CACNG7: variants seen among roughly 807,000 people sequenced by gnomAD.
CACNG7 encodes calcium voltage-gated channel auxiliary subunit gamma 7.
CACNG7 carries 9 observed loss-of-function variants against 26.3 expected under a neutral mutation model. The ratio of observed to expected loss-of-function variants is 0.34; its 90% CI spans 0.21 to 0.60. The LOEUF is 0.60. Among genes scored for constraint, CACNG7 ranks in the 20% least tolerant of loss-of-function variants. The pLI, the probability that CACNG7 is intolerant of heterozygous loss-of-function variation, is 0.81. For missense variants in CACNG7, 297 were observed against 380.4 expected (o/e 0.78, Z 1.82); for synonymous variants, 170 against 157.0 (o/e 1.08, Z -0.62).
chr19:53,923,077 G>A (rs1273620417), intron 4 of CACNG7, among the ~76,000 whole-genome samples: 2 of 127,028 alleles, frequency 1.6e-5, no homozygotes, highest in Non-Finnish European at 3.2e-5. Flanking sequence ...CCCAGGCCTG[G>A]TCATTGGTGG....
At position 53,909,836 on chromosome 19, in the gene CACNG7, C is replaced by T. The variant is rs546974259; in HGVS notation, c.-30+319C>T. Among the ~76,000 whole-genome samples the T allele has an allele frequency of 6.6e-6, 1 of 152,042 alleles. No homozygotes were observed. The highest frequency in any genetic ancestry group is 1.5e-5 in the Non-Finnish European group (1 of 68,006). On this transcript the variant is annotated intron_variant, in intron 1 of 5. Transcript: ENST00000391767. This position sits in a 1 kb window ranked among gnomAD's most constrained non-coding sequence, Gnocchi z 5.1. ...CGAGGGCGGAGGACCCAGGCCCGGC[C>T]AGAGCAGGATGTGGGTCTGGAAAGG...
chr19:53,911,232 ATTTTTG>A (rs1221205153), intron 1 of CACNG7, among the ~76,000 whole-genome samples: 2 of 151,844 alleles, frequency 1.3e-5, no homozygotes, highest in East Asian at 3.9e-4. Context: ...TGCCCGGCTA[ATTTTTG>A]TATTTTTAGC....
Position 53,909,759 on chromosome 19 carries a change from C to T in CACNG7, c.-30+242C>T, listed in dbSNP as rs1196281145. ...CTCCTCGCGTCCGAGTCGCAGCGAG[C>T]GTGGGCTGGGGAGGGCAGAGGCCGG... On this transcript the variant is annotated intron_variant, in intron 1 of 5. Coordinates refer to ENST00000391767, the MANE Select transcript of CACNG7 (RefSeq NM_031896.5). The surrounding 1 kb of genome is among the most constrained non-coding windows in gnomAD (Gnocchi z 5.1). Among the ~76,000 whole-genome samples, 1 of 151,712 alleles carries T rather than the reference C, an allele frequency of 6.6e-6. No homozygotes were observed. Among genetic ancestry groups the T allele is most frequent in the Non-Finnish European group, 1.5e-5 (1 of 67,906 alleles).
chr19:53,910,110 G>A (rs1033898932), intron 1 of CACNG7, among the ~76,000 whole-genome samples: 1 of 152,130 alleles, frequency 6.6e-6, no homozygotes, highest in African/African-American at 2.4e-5. Flanking sequence ...GTTTTAAAAC[G>A]GGGTGCGAGA....
chr19:53,937,814 C>A (rs561110464), intron 4 of CACNG7, among the ~76,000 whole-genome samples: 1 of 152,234 alleles, frequency 6.6e-6, no homozygotes, highest in South Asian at 2.1e-4. Flanking sequence ...TGGTCTGAAA[C>A]CCCTGGTCTC....
intron 3 of CACNG7, 98 bp from the exon 4 acceptor site, chr19:53,915,267 C>G (rs2068888333): frequency 2.2e-6 from 2 of 899,132 alleles, no homozygotes; most frequent in Non-Finnish European, 1.8e-6. Flanking sequence ...AGGAGCCAAA[C>G]AAAAACGCAG....
rs921545333 is a variant in CACNG7 at position 53,939,385 on chromosome 19, A to G, written c.425-2085A>G. Among the ~76,000 whole-genome samples the G allele has an allele frequency of 6.6e-6, 1 of 152,164 alleles. No individual in the cohort carries two copies. Among genetic ancestry groups the G allele is most frequent in the African/African-American group, 2.4e-5 (1 of 41,432 alleles). On this transcript the variant is annotated intron_variant, in intron 4 of 5. Transcript: ENST00000391767. This position sits in a 1 kb window ranked among gnomAD's most constrained non-coding sequence, Gnocchi z 4.2. ...CATCTCCATTAGCTAATTTCACAAC[A>G]TTTTCATTATTCTCAAAAGAAACCT... is the stretch of plus-strand genomic sequence containing the variant.
chr19:53,937,407 C>T (rs911510588), intron 4 of CACNG7, among the ~76,000 whole-genome samples: 8 of 152,206 alleles, frequency 5.3e-5, no homozygotes, highest in African/African-American at 1.9e-4. Context: ...AACGTCCATT[C>T]TCTCAGCCTC....
chr19:53,942,924 C>G lies in CACNG7; in HGVS notation c.*631C>G, dbSNP rs2069148810. On this transcript the variant is annotated 3_prime_UTR_variant, in exon 6 of 6. Transcript: ENST00000391767. The surrounding 1 kb of genome is among the most constrained non-coding windows in gnomAD (Gnocchi z 5.9). ...TTCCCTCCCCATCTCCCCTACTTCCCTGGAAGGTCCCATTCTTTCTCACCG... is the reference window on the plus strand; with the variant it reads ...TTCCCTCCCCATCTCCCCTACTTCCGTGGAAGGTCCCATTCTTTCTCACCG... 6.6e-6 allele frequency: 1 copy of G among 152,652 alleles called. No individual in the cohort carries two copies. The highest frequency in any genetic ancestry group is 2.4e-5 in the African/African-American group (1 of 41,468). The allele number at this position is 152,652 out of a possible 1,614,324, so 9.5% of individuals were successfully genotyped here. A position where few individuals can be genotyped will look rare whatever the true frequency, so the allele number is the denominator to read the frequency against.
chr19:53,941,449 GC>G lies in CACNG7; in HGVS notation c.425-20del. The G allele has an allele frequency of 6.6e-7, 1 of 1,511,894 alleles. No homozygotes were observed. The highest frequency in any genetic ancestry group is 8.8e-7 in the Non-Finnish European group (1 of 1,136,180). The allele number at this position is 1,511,894 out of a possible 1,614,324, so 93.7% of individuals were successfully genotyped here. On this transcript the variant is annotated intron_variant, in intron 4 of 5. Coordinates refer to ENST00000391767, the MANE Select transcript of CACNG7 (RefSeq NM_031896.5). ...AGGGGCCCACTTCTAATGGACGAGG[GC>G]ACCCCCTCTGCTCCCCTAGGCCTCT...
intron 4 of CACNG7, among the ~76,000 whole-genome samples, chr19:53,921,642 T>C (rs1373718208): frequency 6.9e-5 from 5 of 72,710 alleles, no homozygotes; most frequent in East Asian, 3.2e-4. Context: ...CGTCCCCAGG[T>C]CTGGTCATTG....
At position 53,942,761 on chromosome 19, in the gene CACNG7, T is replaced by A. The variant is rs918438183; in HGVS notation, c.*468T>A. Reference sequence around the variant, plus strand: ...TCCTCTTCTCCCTTCTAACCTGGGCTTCCTTTTTCCCTGCCTAATCTCACC... The same window carrying A: ...TCCTCTTCTCCCTTCTAACCTGGGCATCCTTTTTCCCTGCCTAATCTCACC... On this transcript the variant is annotated 3_prime_UTR_variant, in exon 6 of 6. Transcript: ENST00000391767. The surrounding 1 kb of genome is among the most constrained non-coding windows in gnomAD (Gnocchi z 5.9). 1.1e-5 allele frequency: 2 copies of A among 183,684 alleles called. No homozygotes were observed. The highest frequency in any genetic ancestry group is 1.2e-4 in the Admixed American group (2 of 16,126). 11.4% of individuals were successfully genotyped at this position (183,684 alleles called of 1,614,324 possible).
At chr19:53,941,416 C>A in intron 4 of CACNG7, 54 bp from the exon 5 acceptor site, 1 of 1,476,272 alleles carries the variant, frequency 6.8e-7, no homozygotes, top group Non-Finnish European at 8.9e-7. Context: ...GGGGCTGGGG[C>A]TGGGAAAAGG....
intron 4 of CACNG7, among the ~76,000 whole-genome samples, chr19:53,923,114 A>G (rs2068978506): frequency 8.8e-6 from 1 of 113,460 alleles, no homozygotes; most frequent in African/African-American, 3.9e-5. Context: ...TCATTGGTGG[A>G]GTTGCCCCAG....
chr19:53,911,653 T>G (rs2068863200), intron 1 of CACNG7, among the ~76,000 whole-genome samples: 1 of 152,170 alleles, frequency 6.6e-6, no homozygotes, highest in Admixed American at 6.5e-5. Context: ...ATCGGCTACC[T>G]GGGATGGAGG....
chr19:53,934,898 G>A (rs1204481533), intron 4 of CACNG7, among the ~76,000 whole-genome samples: 1 of 151,742 alleles, frequency 6.6e-6, no homozygotes, highest in Non-Finnish European at 1.5e-5. Context: ...TAAGACTACA[G>A]GACGCTTGTA....
chr19:53,928,416 C>T (rs2069048489), intron 4 of CACNG7, among the ~76,000 whole-genome samples: 1 of 152,024 alleles, frequency 6.6e-6, no homozygotes, highest in African/African-American at 2.4e-5. Flanking sequence ...GGATTACAAA[C>T]GTGCACCACC....
intron 5 of CACNG7, 92 bp downstream of exon 5, chr19:53,941,707 G>A (rs911493872): frequency 1.2e-4 from 175 of 1,434,252 alleles, no homozygotes; most frequent in Admixed American, 3.8e-4. Context: ...AGAGGCTGGA[G>A]ATGCAGACTC....
chr19:53,912,554 G>T lies in CACNG7; in HGVS notation c.-29-249G>T, dbSNP rs1265443347. On this transcript the variant is annotated intron_variant, in intron 1 of 5. Transcript: ENST00000391767. This position sits in a 1 kb window ranked among gnomAD's most constrained non-coding sequence, Gnocchi z 4.6. ...TTAGAAATCTAATTCTGGGGTTGGGGATCTGGATCTGGAGCTAGACCACAG... is the reference window on the plus strand; with the variant it reads ...TTAGAAATCTAATTCTGGGGTTGGGTATCTGGATCTGGAGCTAGACCACAG... Among the ~76,000 whole-genome samples the T allele has an allele frequency of 6.6e-6, 1 of 152,200 alleles. No individual in the cohort carries two copies. Among genetic ancestry groups the T allele is most frequent in the Non-Finnish European group, 1.5e-5 (1 of 68,042 alleles).
Sources: gnomAD v4.1 joint callset for allele counts (sites outside exome capture counted in the v4.1 genomes callset) on GRCh38, gnomAD v4.1.1 for gene constraint, Gnocchi (gnomAD v3.1) non-coding constraint, MANE v1.5 for transcripts, NCBI Gene and HGNC (gene_info 2026-07-23, HGNC 2026-07-21) for gene names.